MACROD2: variants seen among roughly 807,000 people sequenced by gnomAD.
MACROD2 encodes ADP-ribose glycohydrolase MACROD2.
Under a neutral mutation model 70.4 loss-of-function variants are expected in MACROD2, and 36 were observed. The observed-to-expected ratio is 0.51, with a 90% confidence interval of 0.39 to 0.68. MACROD2 has a LOEUF of 0.68. MACROD2 is among the 30% of genes least tolerant of loss of function. MACROD2 has a pLI of 0.00. For synonymous variants in MACROD2, 172 were observed against 178.8 expected, an observed-to-expected ratio of 0.96 and a Z score of 0.30; for missense variants, 496 against 538.4, an observed-to-expected ratio of 0.92 and a Z score of 0.78.
rs138958189 is a variant in MACROD2, at chr20:14,373,716, T to C, written c.272-119763T>C. Among the ~76,000 whole-genome samples the C allele has an allele frequency of 4.4e-3, 668 of 152,274 alleles. 3 individuals carry two copies. The highest frequency in any genetic ancestry group is 0.015 in the African/African-American group (625 of 41,566). Reference sequence around the variant, plus strand: ...AAATCTTGAAAATAGAAGTTCACAGTTTCTATGTGAAGTGCTGCATTAATT... The same window carrying C: ...AAATCTTGAAAATAGAAGTTCACAGCTTCTATGTGAAGTGCTGCATTAATT... On this transcript the variant is annotated intron_variant, in intron 3 of 17. Coordinates refer to ENST00000684519, the MANE Select transcript of MACROD2 (RefSeq NM_001351661.2).
At chr20:15,811,668 A>G (rs905695109) in intron 8 of MACROD2, among the ~76,000 whole-genome samples, 4 of 152,098 alleles carry the variant, frequency 2.6e-5, no homozygotes, top group African/African-American at 9.7e-5. Flanking sequence ...AAAGGCCCTC[A>G]ATAATTAAAT....
chr20:15,086,408 A>C (rs950337474), intron 5 of MACROD2, among the ~76,000 whole-genome samples: 2 of 152,156 alleles, frequency 1.3e-5, no homozygotes, highest in African/African-American at 4.8e-5. Flanking sequence ...GTAGGGAAGA[A>C]GGAGGAATAT....
chr20:16,006,747 T>A (rs1601313489), intron 15 of MACROD2, among the ~76,000 whole-genome samples: 1 of 152,064 alleles, frequency 6.6e-6, no homozygotes, highest in African/African-American at 2.4e-5. Context: ...AGGTGTTGGG[T>A]AATAGGATGA....
chr20:15,081,099 A>G (rs1236352972), intron 5 of MACROD2, among the ~76,000 whole-genome samples: 3 of 152,212 alleles, frequency 2.0e-5, no homozygotes, highest in African/African-American at 2.4e-5. Flanking sequence ...TTGGCAGACT[A>G]TGACCCATCA....
intron 3 of MACROD2, among the ~76,000 whole-genome samples, chr20:14,338,408 G>T (rs1013631880): frequency 2.0e-5 from 3 of 152,138 alleles, no homozygotes; most frequent in African/African-American, 7.2e-5. Flanking sequence ...GATTCATTTA[G>T]TTATGGGAAG....
At chr20:14,651,491 T>A (rs970127374) in intron 4 of MACROD2, among the ~76,000 whole-genome samples, 2 of 152,120 alleles carry the variant, frequency 1.3e-5, no homozygotes, top group African/African-American at 4.8e-5. Flanking sequence ...CCAAAGTAAA[T>A]ACAACCAAGG....
intron 8 of MACROD2, among the ~76,000 whole-genome samples, chr20:15,862,317 T>A (rs2064435013): frequency 6.6e-6 from 1 of 152,218 alleles, no homozygotes; most frequent in African/African-American, 2.4e-5. Context: ...ATAAATATAT[T>A]TGTCTAGCAA....
At chr20:15,281,647 A>G (rs561811140) in intron 6 of MACROD2, among the ~76,000 whole-genome samples, 1 of 152,298 alleles carries the variant, frequency 6.6e-6, no homozygotes, top group South Asian at 2.1e-4. Flanking sequence ...TTGGGCAGCT[A>G]CAGCCCTATG....
intron 10 of MACROD2, among the ~76,000 whole-genome samples, chr20:15,916,702 GT>G (rs1261256153): frequency 2.6e-5 from 4 of 152,224 alleles, no homozygotes; most frequent in African/African-American, 9.6e-5. Flanking sequence ...CTTGGAATCA[GT>G]GAAAACATGT....
At chr20:15,668,509 A>C (rs954850657) in intron 8 of MACROD2, among the ~76,000 whole-genome samples, 1 of 152,022 alleles carries the variant, frequency 6.6e-6, no homozygotes, top group African/African-American at 2.4e-5. Flanking sequence ...CGGAGCTTGC[A>C]GTGAGCCGAG....
intron 5 of MACROD2, among the ~76,000 whole-genome samples, chr20:15,129,313 A>G (rs1251530254): frequency 1.3e-5 from 2 of 152,042 alleles, no homozygotes; most frequent in East Asian, 3.8e-4. Context: ...TTCAGTTCCT[A>G]AGTAATTTGT....
At chr20:14,257,392 T>G (rs534964554) in intron 3 of MACROD2, among the ~76,000 whole-genome samples, 285 of 152,300 alleles carry the variant, frequency 1.9e-3, no homozygotes, top group Non-Finnish European at 2.4e-3. Context: ...CCTTTTAGTT[T>G]TTTACCTTCA....
At chr20:15,445,786 A>G (rs1288500958) in intron 7 of MACROD2, among the ~76,000 whole-genome samples, 1 of 152,126 alleles carries the variant, frequency 6.6e-6, no homozygotes, top group Non-Finnish European at 1.5e-5. Flanking sequence ...GCTGGGAAAA[A>G]TGAGACCCAG....
At chr20:15,315,019 A>G (rs979478956) in intron 6 of MACROD2, among the ~76,000 whole-genome samples, 2 of 152,228 alleles carry the variant, frequency 1.3e-5, no homozygotes, top group Non-Finnish European at 2.9e-5. Context: ...CCTAACACAG[A>G]GCTAATTTCA....
intron 5 of MACROD2, among the ~76,000 whole-genome samples, chr20:15,027,560 G>A (rs941923936): frequency 2.1e-5 from 3 of 142,008 alleles, no homozygotes. Context: ...GTGGTGGTGG[G>A]GGGAAATAAT....
At chr20:15,558,485 G>C in intron 8 of MACROD2, among the ~76,000 whole-genome samples, 1 of 152,230 alleles carries the variant, frequency 6.6e-6, no homozygotes, top group East Asian at 1.9e-4. Context: ...ACACTGGCCT[G>C]CAGAGAACAG....
intron 4 of MACROD2, among the ~76,000 whole-genome samples, chr20:14,519,266 A>G (rs1568651007): frequency 1.3e-5 from 2 of 152,220 alleles, no homozygotes; most frequent in East Asian, 3.9e-4. Context: ...TATGAAGTAT[A>G]TTCAGAAAAA....
At chr20:15,653,476 G>A (rs1255464361) in intron 8 of MACROD2, among the ~76,000 whole-genome samples, 1 of 152,182 alleles carries the variant, frequency 6.6e-6, no homozygotes, top group Admixed American at 6.5e-5. Context: ...GTCTGAATGT[G>A]CAGCAATTAG....
intron 4 of MACROD2, among the ~76,000 whole-genome samples, chr20:14,541,031 A>G (rs2085425558): frequency 6.6e-6 from 1 of 152,208 alleles, no homozygotes; most frequent in African/African-American, 2.4e-5. Context: ...TGGTGAATGC[A>G]TTCTGCAAAA....
Sources: allele counts gnomAD v4.1 joint callset (sites outside exome capture counted in the v4.1 genomes callset), GRCh38; gene constraint gnomAD v4.1.1; transcripts MANE v1.5; gene names NCBI Gene and HGNC (gene_info 2026-07-23, HGNC 2026-07-21).